The following SRGAP3 variants were observed in gnomAD, a reference collection of about 807,000 sequenced individuals.
SRGAP3 encodes SLIT-ROBO Rho GTPase-activating protein 3.
Under a neutral mutation model 121.1 loss-of-function variants are expected in SRGAP3, and 39 were observed. That is an observed-to-expected ratio of 0.32 (90% CI 0.25 to 0.42). SRGAP3 has a LOEUF of 0.42. Ranked by LOEUF, SRGAP3 falls within the 10% of genes least tolerant of loss-of-function variation. The pLI, the probability that SRGAP3 is intolerant of heterozygous loss-of-function variation, is 1.00. For synonymous variants in SRGAP3, 601 were observed against 570.0 expected (o/e 1.05, Z -0.77); for missense variants, 1,213 against 1,470.6 (o/e 0.82, Z 2.86).
chr3:9,001,566 G>C (rs1942771003), intron 18 of SRGAP3, among the ~76,000 whole-genome samples: 1 of 152,094 alleles, frequency 6.6e-6, no homozygotes, highest in South Asian at 2.1e-4. Flanking sequence ...TAAAATGGCA[G>C]ACAAAAATCC....
rs1261326824 is a variant in SRGAP3, at chr3:9,096,964, TATATATATATATATATAC to T, written c.423+7698_423+7715del. On this transcript the variant is annotated intron_variant, in intron 3 of 21. Transcript: ENST00000383836. ...ATATATATATATATATATATATATA[TATATATATATATATATAC>T]ACATACACACACATATATATATATT... Among the ~76,000 whole-genome samples the T allele has an allele frequency of 2.9e-3, 279 of 96,164 alleles. 3 individuals are homozygous for T. The highest frequency in any genetic ancestry group is 9.4e-3 in the African/African-American group (170 of 18,140). The allele number at this position is 96,164 out of a possible 152,430, so 63.1% of individuals were successfully genotyped here.
chr3:9,346,380 C>G (rs1955891562), intron 1 of SRGAP3, among the ~76,000 whole-genome samples: 1 of 151,932 alleles, frequency 6.6e-6, no homozygotes, highest in African/African-American at 2.4e-5. Flanking sequence ...GTAGCTAGGA[C>G]TATAGGCACT....
intron 3 of SRGAP3, among the ~76,000 whole-genome samples, chr3:9,315,114 G>A (rs963063170): frequency 6.6e-6 from 1 of 152,140 alleles, no homozygotes; most frequent in South Asian, 2.1e-4. Flanking sequence ...TGACATCATC[G>A]GGACTATGTT....
chr3:9,031,779 A>G (rs1442652020), intron 12 of SRGAP3, among the ~76,000 whole-genome samples: 7 of 152,154 alleles, frequency 4.6e-5, no homozygotes, highest in African/African-American at 1.2e-4. Flanking sequence ...CTCCTGATTG[A>G]TATCTATCAT....
chr3:9,124,802 G>C lies in SRGAP3; in HGVS notation c.183C>G (p.Leu61=). The part of the protein sequence containing the change: ...EFFRRKAEIE[L]EYSRSLEKLA... ...GCTTCTCCAGGCTGCGGGAGTACTC[G>C]AGCTCAATCTCAGCTTTCCGGCGGA... The change falls in exon 2 of 22, where the codon CTC becomes CTG. Residue 61 remains leucine, a synonymous_variant. Transcript: ENST00000383836. 2 of 1,614,200 alleles carry C rather than the reference G, an allele frequency of 1.2e-6. No homozygotes were observed. The highest frequency in any genetic ancestry group is 8.5e-7 in the Non-Finnish European group (1 of 1,180,046).
At chr3:9,080,239 A>C in intron 3 of SRGAP3, 152 bp from the exon 4 acceptor site, 2 of 720,624 alleles carry the variant, frequency 2.8e-6, no homozygotes, top group South Asian at 1.7e-5. Context: ...CAACAACATA[A>C]ATTCCTCAAC....
At chr3:9,121,673 C>G (rs1949009791) in intron 2 of SRGAP3, among the ~76,000 whole-genome samples, 1 of 152,216 alleles carries the variant, frequency 6.6e-6, no homozygotes. Flanking sequence ...GCTGGCCGAG[C>G]TCATTATAGG....
rs182233089 is a variant in SRGAP3 at position 9,013,097 on chromosome 3, C to A, written c.2147+211G>T. ...AATAAAGTCCCATTTGGTTAAAGGC[C>A]ATTTGAGTTGTATGTCTGTCCCTTG... On this transcript the variant is annotated intron_variant, in intron 17 of 21. Transcript: ENST00000383836. Among the ~76,000 whole-genome samples the A allele has an allele frequency of 2.0e-3, 304 of 152,190 alleles. 2 individuals carry two copies. The highest frequency in any genetic ancestry group is 6.9e-3 in the African/African-American group (288 of 41,526).
At chr3:9,099,837 G>A (rs906939217) in intron 3 of SRGAP3, among the ~76,000 whole-genome samples, 4 of 152,164 alleles carry the variant, frequency 2.6e-5, no homozygotes, top group Admixed American at 6.5e-5. Flanking sequence ...TTTAAGAACC[G>A]CAGTGAGGTA....
At chr3:9,223,470 A>G (rs1426076418) in intron 1 of SRGAP3, among the ~76,000 whole-genome samples, 1 of 152,252 alleles carries the variant, frequency 6.6e-6, no homozygotes, top group Non-Finnish European at 1.5e-5. Flanking sequence ...GGGATGCAGT[A>G]GAATGTTTTC....
chr3:9,319,348 C>T (rs1398553438), intron 3 of SRGAP3, among the ~76,000 whole-genome samples: 1 of 151,858 alleles, frequency 6.6e-6, no homozygotes, highest in Non-Finnish European at 1.5e-5. Context: ...ACCCAGAATA[C>T]TCATCAGGGG....
rs896711194 is a variant in SRGAP3, at chr3:9,109,788, C to T, written c.261-4946G>A. ...GCTTTCTAGACTGAGAACTAAAAGC[C>T]GGACTGGAGTTTCACAGGGAGGAGC... On this transcript the variant is annotated intron_variant, in intron 2 of 21. Coordinates refer to ENST00000383836, the MANE Select transcript of SRGAP3 (RefSeq NM_014850.4). This position sits in a 1 kb window ranked among gnomAD's most constrained non-coding sequence, Gnocchi z 4.4. Among the ~76,000 whole-genome samples the T allele has an allele frequency of 5.9e-5, 9 of 152,018 alleles. No homozygotes were observed. Among genetic ancestry groups the T allele is most frequent in the East Asian group, 1.9e-4 (1 of 5,176 alleles).
chr3:9,246,628 G>A (rs1559240035), intron 1 of SRGAP3, among the ~76,000 whole-genome samples: 1 of 152,108 alleles, frequency 6.6e-6, no homozygotes, highest in African/African-American at 2.4e-5. Flanking sequence ...ACATTGTGTG[G>A]GCCAAGAGTA....
At chr3:9,013,867 C>A (rs762869078) in intron 15 of SRGAP3, 25 bp from the exon 16 acceptor site, 1 of 1,605,718 alleles carries the variant, frequency 6.2e-7, no homozygotes. Context: ...GGCCTTTCAG[C>A]GTGCCTTTCA....
intron 1 of SRGAP3, chr3:9,349,091 G>A: frequency 1.1e-6 from 1 of 914,740 alleles, no homozygotes. Flanking sequence ...CGTTGTCTAT[G>A]AATTGGACAA....
chr3:9,359,496 C>T (rs2030687372), intron 1 of SRGAP3, among the ~76,000 whole-genome samples: 1 of 152,194 alleles, frequency 6.6e-6, no homozygotes, highest in Non-Finnish European at 1.5e-5. Context: ...GCATGGACAA[C>T]CATATCAAAA....
chr3:9,048,941 G>A (rs780441594), intron 9 of SRGAP3, among the ~76,000 whole-genome samples: 4 of 152,192 alleles, frequency 2.6e-5, no homozygotes, highest in Non-Finnish European at 4.4e-5. Flanking sequence ...GGGCCACATG[G>A]GGACCTGCGG....
intron 1 of SRGAP3, among the ~76,000 whole-genome samples, chr3:9,144,013 A>T (rs1418838653): frequency 6.6e-6 from 1 of 152,078 alleles, no homozygotes; most frequent in African/African-American, 2.4e-5. Flanking sequence ...GAACAACCAC[A>T]ACAGCCTCCT....
At chr3:9,059,366 G>A (rs1035126205) in intron 6 of SRGAP3, 10 of 152,348 alleles carry the variant, frequency 6.6e-5, no homozygotes, top group African/African-American at 2.4e-4. Flanking sequence ...AAGCAGGAAA[G>A]AGGAAGGTCT....
Sources: gnomAD v4.1 joint callset for allele counts (sites outside exome capture counted in the v4.1 genomes callset) on GRCh38, gnomAD v4.1.1 for gene constraint, Gnocchi (gnomAD v3.1) non-coding constraint, MANE v1.5 for transcripts, NCBI Gene and HGNC (gene_info 2026-07-23, HGNC 2026-07-21) for gene names.